The following MFHAS1 variants were observed in gnomAD, a reference collection of about 807,000 sequenced individuals.
MFHAS1 encodes the protein malignant fibrous histiocytoma-amplified sequence 1.
In MFHAS1, 50 loss-of-function variants were observed where a neutral mutation model predicts 70.4. The observed-to-expected ratio is 0.71, with a 90% CI of 0.57 to 0.90. The LOEUF is 0.90. MFHAS1 is among the 40% of genes least tolerant of loss of function. MFHAS1 has a pLI of 0.00. For synonymous variants in MFHAS1, 952 were observed against 620.0 expected (o/e 1.54, Z -7.96); for missense variants, 1,795 against 1,347.6 (o/e 1.33, Z -5.20).
chr8:8,822,702 G>C (rs1200852893), intron 1 of MFHAS1, among the ~76,000 whole-genome samples: 3 of 149,028 alleles, frequency 2.0e-5, no homozygotes, highest in Non-Finnish European at 3.0e-5. Context: ...GGGGGACTGA[G>C]ATGGGGGCAG....
At chr8:8,820,316 T>C (rs1806905833) in intron 1 of MFHAS1, among the ~76,000 whole-genome samples, 4 of 152,014 alleles carry the variant, frequency 2.6e-5, no homozygotes. Context: ...TAGACTGCTG[T>C]GTGCCCTTCC....
intron 1 of MFHAS1, among the ~76,000 whole-genome samples, chr8:8,837,216 C>G (rs1189459165): frequency 1.3e-5 from 2 of 152,122 alleles, no homozygotes; most frequent in African/African-American, 4.8e-5. Context: ...TGAGCAAGAT[C>G]TTTATATATT....
intron 2 of MFHAS1, among the ~76,000 whole-genome samples, chr8:8,790,741 TA>T (rs1805692491): frequency 6.6e-6 from 1 of 152,236 alleles, no homozygotes; most frequent in South Asian, 2.1e-4. Flanking sequence ...AAAAATATTT[TA>T]TCAAGTTCAT....
At chr8:8,888,619 C>A (rs1809862626) in intron 1 of MFHAS1, among the ~76,000 whole-genome samples, 1 of 152,014 alleles carries the variant, frequency 6.6e-6, no homozygotes, top group Admixed American at 6.6e-5. Flanking sequence ...TACCAATTAA[C>A]CAGGCTCAAA....
intron 1 of MFHAS1, among the ~76,000 whole-genome samples, chr8:8,841,417 G>A (rs1468918921): frequency 9.9e-5 from 15 of 151,986 alleles, no homozygotes; most frequent in African/African-American, 2.9e-4. Flanking sequence ...AGAGTGAGCC[G>A]GGAATGCACC....
intron 1 of MFHAS1, among the ~76,000 whole-genome samples, chr8:8,887,382 C>A (rs1445471319): frequency 6.6e-6 from 1 of 151,796 alleles, no homozygotes; most frequent in Admixed American, 6.6e-5. Context: ...CAGAAAAATA[C>A]AGAAGAGGAA....
rs995317299 is a variant in MFHAS1 at position 8,892,213 on chromosome 8, G to A, written c.846C>T (p.Ser282=). 4 of 1,610,536 alleles carry A rather than the reference G, an allele frequency of 2.5e-6. No homozygotes were observed. The highest frequency in any genetic ancestry group is 3.4e-6 in the Non-Finnish European group (4 of 1,180,024). Residue 282 remains serine, a synonymous_variant, in exon 1 of 3, where the codon TCC becomes TCT. Coordinates refer to ENST00000276282, the MANE Select transcript of MFHAS1 (RefSeq NM_004225.3). The surrounding 1 kb of genome is among the most constrained non-coding windows in gnomAD (Gnocchi z 4.7). ...CGGCAGGGAACTCCTCGAAGAGGTT[G>A]GAGGAGAGGTTGAGCATTTTGAGCC... ...LQRLKMLNLS[S]NLFEEFPAAL... is the part of the protein sequence containing the mutation.
chr8:8,883,082 G>C (rs1451731696), intron 1 of MFHAS1, among the ~76,000 whole-genome samples: 1 of 152,152 alleles, frequency 6.6e-6, no homozygotes, highest in Non-Finnish European at 1.5e-5. Flanking sequence ...GGACCCAGGA[G>C]GTGGAGGTTG....
chr8:8,835,407 A>G (rs1807562466), intron 1 of MFHAS1, among the ~76,000 whole-genome samples: 1 of 152,192 alleles, frequency 6.6e-6, no homozygotes, highest in South Asian at 2.1e-4. Flanking sequence ...GGCATCCCGG[A>G]GCAGAGTTAC....
intron 1 of MFHAS1, among the ~76,000 whole-genome samples, chr8:8,840,461 CAAAAA>C (rs141909980): frequency 3.7e-5 from 3 of 82,112 alleles, no homozygotes; most frequent in African/African-American, 4.2e-5. Flanking sequence ...CATCTCAATA[CAAAAA>C]AAAAAAAAAA....
chr8:8,840,691 G>A (rs994733479), intron 1 of MFHAS1, among the ~76,000 whole-genome samples: 4 of 152,088 alleles, frequency 2.6e-5, no homozygotes, highest in Admixed American at 6.6e-5. Context: ...TTAGGAACAA[G>A]TCCATTAGTT....
chr8:8,838,981 T>C (rs998204397), intron 1 of MFHAS1, among the ~76,000 whole-genome samples: 2 of 152,122 alleles, frequency 1.3e-5, no homozygotes, highest in Non-Finnish European at 2.9e-5. Flanking sequence ...CTCCACTCTA[T>C]ACATGTGAAA....
intron 1 of MFHAS1, among the ~76,000 whole-genome samples, chr8:8,887,195 T>C (rs920574750): frequency 1.6e-4 from 24 of 152,210 alleles, no homozygotes; most frequent in African/African-American, 5.5e-4. Flanking sequence ...GGGTTTCTGC[T>C]GAATTAATAT....
chr8:8,832,645 T>TC (rs71219093), intron 1 of MFHAS1, among the ~76,000 whole-genome samples: 2,748 of 149,048 alleles, frequency 0.018, 88 homozygotes, highest in African/African-American at 0.065. Context: ...TTTTTTTTTT[T>TC]CAAGACAGAG....
At chr8:8,859,519 C>A (rs962394351) in intron 1 of MFHAS1, among the ~76,000 whole-genome samples, 3 of 152,110 alleles carry the variant, frequency 2.0e-5, no homozygotes, top group African/African-American at 7.2e-5. Flanking sequence ...TTTCTTCCAC[C>A]CCTACCATGC....
intron 2 of MFHAS1, among the ~76,000 whole-genome samples, chr8:8,788,251 G>A (rs1235461237): frequency 2.0e-5 from 3 of 152,312 alleles, no homozygotes; most frequent in East Asian, 3.9e-4. Context: ...CTCAACACCC[G>A]GCCCAATGCC....
intron 1 of MFHAS1, among the ~76,000 whole-genome samples, chr8:8,849,500 T>A (rs1465178003): frequency 6.6e-6 from 1 of 152,216 alleles, no homozygotes; most frequent in Admixed American, 6.5e-5. Context: ...CTTACACGTG[T>A]GTGTATTCTG....
Position 8,890,410 on chromosome 8 carries a change from T to C in MFHAS1, c.2649A>G (p.Glu883=), listed in dbSNP as rs1425742265. 1.9e-6 allele frequency: 3 copies of C among 1,613,958 alleles called. No individual in the cohort carries two copies. Among genetic ancestry groups the C allele is most frequent in the African/African-American group, 2.7e-5 (2 of 74,940 alleles). The stretch of plus-strand genomic sequence containing the variant: ...GTGGAAAAGTAAAAGGAAAGCTATA[T>C]TCAATCTGCAACTGCTCAGCCACAA... The part of the protein sequence containing the change: ...QSFVAEQLQI[E]YSFPFTFPLG... Residue 883 remains glutamate (E), a synonymous_variant, in exon 1 of 3, where the codon GAA becomes GAG. Coordinates refer to ENST00000276282, the MANE Select transcript of MFHAS1 (RefSeq NM_004225.3).
intron 1 of MFHAS1, among the ~76,000 whole-genome samples, chr8:8,867,253 A>C (rs377595591): frequency 2.0e-5 from 3 of 152,228 alleles, no homozygotes; most frequent in Admixed American, 1.3e-4. Context: ...CAAACCCACT[A>C]AATTCTTCAC....
Sources: allele counts gnomAD v4.1 joint callset (sites outside exome capture counted in the v4.1 genomes callset), GRCh38; gene constraint gnomAD v4.1.1; non-coding constraint Gnocchi (gnomAD v3.1); transcripts MANE v1.5; gene names NCBI Gene and HGNC (gene_info 2026-07-23, HGNC 2026-07-21).